The following ESR1 variants were observed in gnomAD, a reference collection of about 807,000 sequenced individuals.
ESR1 encodes estrogen receptor.
Under a neutral mutation model 52.7 loss-of-function variants are expected in ESR1, and 12 were observed. The ratio of observed to expected loss-of-function variants is 0.23; its 90% CI spans 0.15 to 0.37. ESR1 has a LOEUF of 0.37. ESR1 is among the 10% of genes least tolerant of loss of function. The pLI is 1.00. For synonymous variants in ESR1, 305 were observed against 316.8 expected, an observed-to-expected ratio of 0.96 and a Z score of 0.39; for missense variants, 584 against 779.7, an observed-to-expected ratio of 0.75 and a Z score of 2.99.
At chr6:151,860,774 A>G (rs1788725245) in intron 2 of ESR1, among the ~76,000 whole-genome samples, 1 of 152,210 alleles carries the variant, frequency 6.6e-6, no homozygotes. Flanking sequence ...ATGATTTACA[A>G]TTGACTGTAT....
Position 151,927,117 on chromosome 6 carries a change from C to T in ESR1, c.761-17056C>T, listed in dbSNP as rs9340891. On this transcript the variant is annotated intron_variant, in intron 3 of 7. Coordinates refer to ENST00000206249, the MANE Select transcript of ESR1 (RefSeq NM_000125.4). Reference sequence around the variant, plus strand: ...ATTAATATGATCATATGACTTTTCCCGTTTTCACTGTTAATGTGGCAGATT... The same window carrying T: ...ATTAATATGATCATATGACTTTTCCTGTTTTCACTGTTAATGTGGCAGATT... Among the ~76,000 whole-genome samples, 1,300 of 152,074 alleles carry T rather than the reference C, an allele frequency of 8.5e-3. 20 individuals are homozygous for T. The highest frequency in any genetic ancestry group is 0.028 in the African/African-American group (1,143 of 41,506).
chr6:152,123,922 T>TG (rs943314441), intron 6 of ESR1, among the ~76,000 whole-genome samples: 14 of 152,116 alleles, frequency 9.2e-5, no homozygotes, highest in Non-Finnish European at 1.9e-4. Context: ...CTAATATCGG[T>TG]GGGGGATGCG....
At chr6:151,741,178 G>A (rs1411078840) in intron 2 of ESR1, among the ~76,000 whole-genome samples, 1 of 152,030 alleles carries the variant, frequency 6.6e-6, no homozygotes, top group Non-Finnish European at 1.5e-5. Context: ...TATCATAACT[G>A]TCTTCTCCTC....
chr6:151,855,017 G>A (rs1244892483), intron 2 of ESR1, among the ~76,000 whole-genome samples: 2 of 152,126 alleles, frequency 1.3e-5, no homozygotes, highest in East Asian at 3.9e-4. Context: ...AGGTTCAAGC[G>A]ATTCTCCTGC....
chr6:152,029,445 A>G (rs1351661304), intron 5 of ESR1, among the ~76,000 whole-genome samples: 1 of 152,220 alleles, frequency 6.6e-6, no homozygotes, highest in Non-Finnish European at 1.5e-5. Context: ...GAAGTCCTTA[A>G]AGGACCTGAT....
intron 6 of ESR1, among the ~76,000 whole-genome samples, chr6:152,110,527 G>A (rs1283837003): frequency 3.3e-5 from 5 of 152,092 alleles, no homozygotes; most frequent in Non-Finnish European, 5.9e-5. Context: ...GGCCTATCGG[G>A]GGGTGGAGGG....
At chr6:151,672,921 C>G (rs182939463) in intron 1 of ESR1, among the ~76,000 whole-genome samples, 5 of 150,830 alleles carry the variant, frequency 3.3e-5, no homozygotes, top group African/African-American at 9.8e-5. Flanking sequence ...CTCTGCCTCC[C>G]GGGTTCACGC....
At chr6:151,855,878 T>G (rs933444085) in intron 2 of ESR1, among the ~76,000 whole-genome samples, 5 of 152,180 alleles carry the variant, frequency 3.3e-5, no homozygotes, top group Non-Finnish European at 7.4e-5. Context: ...TGAAGAGAGT[T>G]CTACTTAATT....
chr6:151,887,626 T>G (rs1340175985), intron 3 of ESR1, among the ~76,000 whole-genome samples: 1 of 152,178 alleles, frequency 6.6e-6, no homozygotes, highest in African/African-American at 2.4e-5. Flanking sequence ...TGCAAGCCAC[T>G]GATCTAATCT....
At chr6:151,797,607 A>G (rs1776834164) in intron 2 of ESR1, among the ~76,000 whole-genome samples, 1 of 152,222 alleles carries the variant, frequency 6.6e-6, no homozygotes, top group South Asian at 2.1e-4. Flanking sequence ...CATGACATCC[A>G]TAAGTCTACC....
intron 2 of ESR1, among the ~76,000 whole-genome samples, chr6:151,725,314 G>C (rs895086703): frequency 7.2e-5 from 11 of 152,194 alleles, no homozygotes; most frequent in African/African-American, 2.7e-4. Context: ...GAGGTCATGT[G>C]GTTGTGGGGG....
intron 2 of ESR1, among the ~76,000 whole-genome samples, chr6:151,718,918 A>G (rs1204101209): frequency 6.6e-6 from 1 of 152,032 alleles, no homozygotes; most frequent in Admixed American, 6.6e-5. Context: ...CTTCTTCCGC[A>G]TATTAGGCAG....
At chr6:152,075,439 A>G (rs1420200087) in intron 6 of ESR1, among the ~76,000 whole-genome samples, 1 of 152,030 alleles carries the variant, frequency 6.6e-6, no homozygotes, top group Non-Finnish European at 1.5e-5. Context: ...TGTTATAAAC[A>G]CTCATGTGAC....
At chr6:151,659,029 T>C (rs1777548045) in intron 1 of ESR1, among the ~76,000 whole-genome samples, 2 of 152,204 alleles carry the variant, frequency 1.3e-5, no homozygotes, top group South Asian at 2.1e-4. Flanking sequence ...TCGTTTGTTT[T>C]TGAGATGGAG....
intron 5 of ESR1, among the ~76,000 whole-genome samples, chr6:152,016,449 A>T (rs1414795538): frequency 6.6e-6 from 1 of 152,204 alleles, no homozygotes. Flanking sequence ...ACTAAATATT[A>T]TTAAATTTCA....
chr6:152,033,378 C>T (rs1259802512), intron 5 of ESR1, among the ~76,000 whole-genome samples: 2 of 152,116 alleles, frequency 1.3e-5, no homozygotes, highest in Admixed American at 1.3e-4. Context: ...GGGAGAAAAT[C>T]TTTGCAATCT....
intron 2 of ESR1, among the ~76,000 whole-genome samples, chr6:151,858,022 T>A (rs1788185137): frequency 6.6e-6 from 1 of 152,092 alleles, no homozygotes; most frequent in Non-Finnish European, 1.5e-5. Context: ...ATATACTAAC[T>A]TTTTTTTACT....
At chr6:152,109,612 G>C (rs2051107685) in intron 6 of ESR1, among the ~76,000 whole-genome samples, 1 of 152,200 alleles carries the variant, frequency 6.6e-6, no homozygotes, top group Admixed American at 6.5e-5. Flanking sequence ...CTTGAATCCA[G>C]GAGGTGGAGT....
chr6:151,701,910 C>G (rs1485803511), exon 2 of ESR1: 3 of 152,208 alleles, frequency 2.0e-5, no homozygotes, highest in African/African-American at 7.2e-5. Context: ...GCACAAAGAT[C>G]TCTTCACATT....
Sources: allele counts gnomAD v4.1 joint callset (sites outside exome capture counted in the v4.1 genomes callset), GRCh38; gene constraint gnomAD v4.1.1; transcripts MANE v1.5; gene names NCBI Gene and HGNC (gene_info 2026-07-23, HGNC 2026-07-21).